Variants in PLVAP observed in about 807,000 individuals in gnomAD.
The protein encoded by PLVAP is plasmalemma vesicle-associated protein.
PLVAP carries 34 observed loss-of-function variants against 43.1 expected under a neutral mutation model. The observed-to-expected ratio is 0.79, with a 90% CI of 0.60 to 1.05. The LOEUF is 1.05. Ranked by LOEUF, PLVAP falls within the 50% of genes least tolerant of loss-of-function variation. PLVAP has a pLI of 0.00. For synonymous variants in PLVAP, 241 were observed against 237.3 expected, an observed-to-expected ratio of 1.02 and a Z score of -0.14; for missense variants, 574 against 593.4, an observed-to-expected ratio of 0.97 and a Z score of 0.34.
chr19:17,375,139 G>A (rs890888410), intron 1 of PLVAP, among the ~76,000 whole-genome samples: 2 of 152,012 alleles, frequency 1.3e-5, no homozygotes, highest in African/African-American at 4.8e-5. Flanking sequence ...TGTACTTTTT[G>A]TACAGACAGG....
chr19:17,369,033 C>T (rs1003962958), intron 1 of PLVAP, among the ~76,000 whole-genome samples: 18 of 152,126 alleles, frequency 1.2e-4, no homozygotes, highest in Non-Finnish European at 4.4e-5. Context: ...TCCCTCACAG[C>T]CTCAGAAGGA....
Position 17,359,682 on chromosome 19 carries a change from G to A in PLVAP, c.1322+846C>T, listed in dbSNP as rs1207158474. ...CCTGGGATTACAGGCGTAAGCCACC[G>A]TACCCGGCCTCTTTTTTTTTTTTTT... On this transcript the variant is annotated intron_variant, in intron 5 of 5. Coordinates refer to ENST00000252590, the MANE Select transcript of PLVAP (RefSeq NM_031310.3). Among the ~76,000 whole-genome samples the A allele has an allele frequency of 4.3e-5, 6 of 139,814 alleles. No homozygotes were observed. The East Asian group carries it at 6.3e-4, about 15-fold the overall frequency. 91.7% of individuals were successfully genotyped at this position (139,814 alleles called of 152,430 possible).
At chr19:17,356,806 A>T (rs1394167060) in intron 5 of PLVAP, among the ~76,000 whole-genome samples, 1 of 151,650 alleles carries the variant, frequency 6.6e-6, no homozygotes, top group Non-Finnish European at 1.5e-5. Context: ...CTAAAAAAAC[A>T]AAATTAGCCG....
At chr19:17,374,968 A>G (rs2074589288) in intron 1 of PLVAP, among the ~76,000 whole-genome samples, 2 of 151,912 alleles carry the variant, frequency 1.3e-5, no homozygotes, top group Admixed American at 6.6e-5. Context: ...ACAGGCACAT[A>G]CCACCATACC....
chr19:17,352,827 G>C (rs1044171628), intron 5 of PLVAP, among the ~76,000 whole-genome samples: 1 of 152,116 alleles, frequency 6.6e-6, no homozygotes, highest in Non-Finnish European at 1.5e-5. Context: ...CTGCTCACAT[G>C]TCCTCCATGG....
chr19:17,352,258 G>A lies in PLVAP; in HGVS notation c.*104C>T. Reference sequence around the variant, plus strand: ...TGTCTGATGGTGGCCCTGGGTGGTTGGGGGCGGCGGGAGGGGGTTGTGTCG... The same window carrying A: ...TGTCTGATGGTGGCCCTGGGTGGTTAGGGGCGGCGGGAGGGGGTTGTGTCG... On this transcript the variant is annotated 3_prime_UTR_variant, in exon 6 of 6. Transcript: ENST00000252590. The A allele has an allele frequency of 6.7e-7, 1 of 1,493,692 alleles. No individual in the cohort carries two copies. Among genetic ancestry groups the A allele is most frequent in the African/African-American group, 1.4e-5 (1 of 72,294 alleles). The allele number at this position is 1,493,692 out of a possible 1,614,324, so 92.5% of individuals were successfully genotyped here.
At chr19:17,352,765 C>A (rs535851671) in intron 5 of PLVAP, among the ~76,000 whole-genome samples, 1 of 152,114 alleles carries the variant, frequency 6.6e-6, no homozygotes, top group African/African-American at 2.4e-5. Context: ...CTCCCCCAGA[C>A]CCCTACACTG....
At chr19:17,355,426 G>A (rs1256518821) in intron 5 of PLVAP, among the ~76,000 whole-genome samples, 1 of 151,626 alleles carries the variant, frequency 6.6e-6, no homozygotes, top group Non-Finnish European at 1.5e-5. Context: ...GCAGTGGCGT[G>A]ATCATAGCTC....
In PLVAP at chr19:17,352,185, G is replaced by A; in HGVS notation, c.*177C>T. Reference sequence around the variant, plus strand: ...TGTGCTCTGGGTGAGGGATCGTGAGGCGCGGGTGCGGGTGTGAGAGGGTAC... The same window carrying A: ...TGTGCTCTGGGTGAGGGATCGTGAGACGCGGGTGCGGGTGTGAGAGGGTAC... On this transcript the variant is annotated 3_prime_UTR_variant, in exon 6 of 6. Transcript: ENST00000252590. 3.7e-6 allele frequency: 3 copies of A among 806,250 alleles called. No individual in the cohort carries two copies. Among genetic ancestry groups the A allele is most frequent in the Non-Finnish European group, 5.9e-6 (3 of 505,316 alleles). 49.9% of individuals were successfully genotyped at this position (806,250 alleles called of 1,614,324 possible).
intron 1 of PLVAP, among the ~76,000 whole-genome samples, chr19:17,372,500 A>G (rs545907506): frequency 6.7e-6 from 1 of 149,642 alleles, no homozygotes; most frequent in Admixed American, 6.7e-5. Context: ...TCTGTCGCCC[A>G]GGCTGGAGTG....
At chr19:17,359,020 G>A (rs979512918) in intron 5 of PLVAP, among the ~76,000 whole-genome samples, 2 of 151,922 alleles carry the variant, frequency 1.3e-5, no homozygotes, top group Non-Finnish European at 2.9e-5. Context: ...GACTGGTCTT[G>A]AACTCCTGGG....
intron 3 of PLVAP, among the ~76,000 whole-genome samples, chr19:17,361,372 TGTG>T (rs1194747398): frequency 6.6e-6 from 1 of 152,128 alleles, no homozygotes; most frequent in Admixed American, 6.6e-5. Context: ...CTTGGGGACT[TGTG>T]GGACTGATCA....
At chr19:17,364,662 C>T (rs181246999) in intron 3 of PLVAP, among the ~76,000 whole-genome samples, 1 of 152,146 alleles carries the variant, frequency 6.6e-6, no homozygotes, top group East Asian at 1.9e-4. Context: ...TAAATCCACC[C>T]TCCATGCCTC....
At chr19:17,369,718 C>T (rs1246221178) in intron 1 of PLVAP, among the ~76,000 whole-genome samples, 2 of 150,504 alleles carry the variant, frequency 1.3e-5, no homozygotes, top group South Asian at 2.1e-4. Context: ...CATTCAAAAT[C>T]GGCTGGGCGC....
intron 5 of PLVAP, among the ~76,000 whole-genome samples, chr19:17,358,538 A>C (rs921552158): frequency 2.6e-5 from 4 of 152,126 alleles, no homozygotes; most frequent in Non-Finnish European, 5.9e-5. Flanking sequence ...CTCCTCCGTC[A>C]GTGGTGTAGC....
rs36074897 is a variant in PLVAP at position 17,360,537 on chromosome 19, G to A, written c.1313C>T (p.Ala438Val). ...CTGCCCAGTGCCTTACCTGGATGGG[G>A]CTACAGGGATGCCTGCAGGGGGCCT... The part of the protein sequence containing the change: ...SQRPPAGIPV[A>V]PSSG Residue 438 changes from alanine (A) to valine (V), a missense_variant, in exon 5 of 6, where the codon GCC becomes GTC. Ala to Val is a moderately conservative substitution (Grantham distance 64). Transcript: ENST00000252590. 640 of 1,614,054 alleles carry A rather than the reference G, an allele frequency of 4.0e-4. 3 individuals carry two copies. In the African/African-American group the frequency reaches 7.4e-3, roughly 19 times the overall value.
At chr19:17,374,068 A>T (rs945010127) in intron 1 of PLVAP, among the ~76,000 whole-genome samples, 1 of 152,190 alleles carries the variant, frequency 6.6e-6, no homozygotes, top group African/African-American at 2.4e-5. Context: ...AGGCTGAGGC[A>T]ACAGAATCGC....
chr19:17,369,839 A>C (rs2074564811), intron 1 of PLVAP, among the ~76,000 whole-genome samples: 1 of 150,950 alleles, frequency 6.6e-6, no homozygotes, highest in African/African-American at 2.4e-5. Flanking sequence ...CATCTCTACT[A>C]AAAATACAAA....
In PLVAP at chr19:17,377,276, T is replaced by C. The variant is rs754392053; in HGVS notation, c.13A>G (p.Met5Val). Residue 5 changes from methionine to valine, a missense_variant, in exon 1 of 6, where the codon ATG (methionine) becomes GTG (valine). Met to Val is a conservative substitution (Grantham distance 21). Transcript: ENST00000252590. MGLAMEHGGSYARAG... is the reference protein window; with the variant it reads MGLAVEHGGSYARAG... ...CGAGCGTAGGACCCTCCGTGCTCCA[T>C]GGCCAGACCCATTTGCTCGATCCCG... 4 of 1,611,354 alleles carry C rather than the reference T, an allele frequency of 2.5e-6. No homozygotes were observed. In the South Asian group the frequency reaches 4.4e-5, roughly 18 times the overall value.
Sources: allele counts gnomAD v4.1 joint callset (sites outside exome capture counted in the v4.1 genomes callset), GRCh38; gene constraint gnomAD v4.1.1; transcripts MANE v1.5; gene names NCBI Gene and HGNC (gene_info 2026-07-23, HGNC 2026-07-21).